Variants in FGD5 observed in about 807,000 individuals in gnomAD.
FGD5 encodes FYVE, RhoGEF and PH domain containing 5.
A neutral mutation model predicts 133.4 loss-of-function variants in FGD5; 28 were observed. That is an observed-to-expected ratio of 0.21 (90% CI 0.16 to 0.29). The LOEUF (loss-of-function observed/expected upper bound fraction) is 0.29. Ranked by LOEUF, FGD5 falls within the 10% of genes least tolerant of loss-of-function variation. FGD5 has a pLI of 1.00. For missense variants in FGD5, 1,858 were observed against 1,895.2 expected, an observed-to-expected ratio of 0.98 and a Z score of 0.36; for synonymous variants, 810 against 776.5, an observed-to-expected ratio of 1.04 and a Z score of -0.72.
intron 11 of FGD5, among the ~76,000 whole-genome samples, chr3:14,911,724 G>A (rs2038452782): frequency 6.7e-6 from 1 of 149,846 alleles, no homozygotes; most frequent in African/African-American, 2.5e-5. Flanking sequence ...CCAATGGGAG[G>A]GAGAAGCAAG....
At chr3:14,874,355 C>T (rs1306286792) in intron 2 of FGD5, among the ~76,000 whole-genome samples, 4 of 151,884 alleles carry the variant, frequency 2.6e-5, no homozygotes, top group Admixed American at 6.6e-5. Context: ...CTCGTCTCTA[C>T]AAAAAATAAA....
intron 18 of FGD5, among the ~76,000 whole-genome samples, chr3:14,927,869 TC>T (rs2038835697): frequency 1.3e-5 from 2 of 151,314 alleles, no homozygotes; most frequent in African/African-American, 2.4e-5. Flanking sequence ...ACTCAAGCCA[TC>T]CCCCCCAGCT....
intron 2 of FGD5, among the ~76,000 whole-genome samples, chr3:14,869,576 C>G (rs2037564955): frequency 1.3e-5 from 2 of 152,180 alleles, no homozygotes; most frequent in Non-Finnish European, 2.9e-5. Context: ...AAACTCTGCC[C>G]CCTTTAGACA....
intron 11 of FGD5, among the ~76,000 whole-genome samples, chr3:14,914,040 C>A (rs1381992126): frequency 1.3e-5 from 2 of 152,184 alleles, no homozygotes; most frequent in Non-Finnish European, 2.9e-5. Flanking sequence ...AGGCCATCAG[C>A]CCCACAGTCT....
chr3:14,816,300 C>T (rs1238746564), upstream of FGD5, among the ~76,000 whole-genome samples: 7 of 152,156 alleles, frequency 4.6e-5, no homozygotes, highest in Non-Finnish European at 8.8e-5. Flanking sequence ...AGAATAATTT[C>T]GTGCCAATGC....
At chr3:14,886,562 A>G (rs1179563365) in intron 4 of FGD5, among the ~76,000 whole-genome samples, 1 of 152,216 alleles carries the variant, frequency 6.6e-6, no homozygotes, top group East Asian at 1.9e-4. Context: ...CTCCCCTCCG[A>G]TGAGGCTGTG....
intron 1 of FGD5, among the ~76,000 whole-genome samples, chr3:14,835,179 A>G (rs574136149): frequency 2.6e-5 from 4 of 152,326 alleles, no homozygotes; most frequent in South Asian, 4.1e-4. Context: ...CCAGGTGAGC[A>G]GGGAGGCTGT....
chr3:14,885,990 C>A (rs769732503), intron 4 of FGD5, among the ~76,000 whole-genome samples: 4 of 152,190 alleles, frequency 2.6e-5, no homozygotes, highest in Admixed American at 6.5e-5. Flanking sequence ...CTGCTAGTAA[C>A]AAAAACTCAA....
chr3:14,846,824 G>A (rs1559478424), intron 1 of FGD5, among the ~76,000 whole-genome samples: 1 of 152,338 alleles, frequency 6.6e-6, no homozygotes, highest in East Asian at 1.9e-4. Context: ...ACATGTTTGC[G>A]GGAAGAATGA....
At chr3:14,824,139 C>T (rs933202817) in intron 1 of FGD5, among the ~76,000 whole-genome samples, 2 of 152,220 alleles carry the variant, frequency 1.3e-5, no homozygotes, top group Admixed American at 6.5e-5. Context: ...GAACCACATC[C>T]TCTTGGACAT....
At position 14,820,312 on chromosome 3, in the gene FGD5, T is replaced by C. The variant is rs1419935458; in HGVS notation, c.1241T>C (p.Val414Ala). 6.2e-7 allele frequency: 1 copy of C among 1,607,864 alleles called. No individual in the cohort carries two copies. The highest frequency in any genetic ancestry group is 8.5e-7 in the Non-Finnish European group (1 of 1,176,562). ...GAGGGTCCCGCAGCCCCTGATGTGG[T>C]GGTCGTGCTGGAGGAGGAGGCCTTG... The part of the protein sequence containing the change: ...AAEGPAAPDV[V>A]VVLEEEALDD... Residue 414 changes from valine (V) to alanine (A), a missense_variant, in exon 1 of 20, where the codon GTG (valine) becomes GCG (alanine). Physicochemically the swap from Val to Ala is moderately conservative, Grantham distance 64 (BLOSUM62 0). Around this residue, in one of 3 missense-constraint regions of FGD5, gnomAD observed 1,824 missense variants for 1,848.9 expected, o/e 0.99. Transcript: ENST00000285046.
intron 1 of FGD5, among the ~76,000 whole-genome samples, chr3:14,829,342 G>A (rs895318833): frequency 2.0e-5 from 3 of 152,148 alleles, no homozygotes; most frequent in African/African-American, 7.2e-5. Flanking sequence ...CGTCGTGTGG[G>A]TGGTGCATTG....
Position 14,911,049 on chromosome 3 carries a change from G to A in FGD5, c.3405+120G>A, listed in dbSNP as rs963221116. 86 of 940,448 alleles carry A rather than the reference G, an allele frequency of 9.1e-5. No homozygotes were observed. In the Middle Eastern group the frequency reaches 2.2e-3, roughly 24 times the overall value. The allele number at this position is 940,448 out of a possible 1,614,324, so 58.3% of individuals were successfully genotyped here. A position where few individuals can be genotyped will look rare whatever the true frequency, so the allele number is the denominator to read the frequency against. On this transcript the variant is annotated intron_variant, in intron 11 of 19. Coordinates refer to ENST00000285046, the MANE Select transcript of FGD5 (RefSeq NM_152536.4). ...GGAGAGTAGAACAGAGCAGACATTT[G>A]GGGGTGAGGATCATTCTGGACAGCT...
chr3:14,824,208 G>A (rs567200599), intron 1 of FGD5, among the ~76,000 whole-genome samples: 3 of 152,342 alleles, frequency 2.0e-5, no homozygotes, highest in East Asian at 3.9e-4. Context: ...AAGCAAAGGG[G>A]GAGAAAAATC....
At chr3:14,930,738 A>G (rs986943375) in intron 18 of FGD5, 7 of 152,202 alleles carry the variant, frequency 4.6e-5, no homozygotes, top group African/African-American at 1.7e-4. Context: ...CTTTCAATCC[A>G]TGAACATGGT....
chr3:14,844,964 G>A (rs2037020538), intron 1 of FGD5, among the ~76,000 whole-genome samples: 1 of 152,156 alleles, frequency 6.6e-6, no homozygotes, highest in African/African-American at 2.4e-5. Context: ...AGGTGTGCAA[G>A]GAAGTCCCTA....
intron 11 of FGD5, among the ~76,000 whole-genome samples, chr3:14,915,944 C>T (rs1343580767): frequency 6.6e-6 from 1 of 152,112 alleles, no homozygotes; most frequent in African/African-American, 2.4e-5. Context: ...ATGTTGGCAT[C>T]ATTTGTACAG....
intron 13 of FGD5, chr3:14,921,188 C>T (rs1209986451): frequency 6.5e-6 from 1 of 152,768 alleles, no homozygotes; most frequent in East Asian, 1.9e-4. Flanking sequence ...CCATTCATCA[C>T]ATTTTAGGGA....
At chr3:14,817,886 A>G (rs569951927), upstream of FGD5, among the ~76,000 whole-genome samples, 8 of 152,284 alleles carry the variant, frequency 5.3e-5, no homozygotes, top group South Asian at 1.7e-3. Context: ...CGCAGTATGC[A>G]AGGGAGCTTA....
Sources: gnomAD v4.1 joint callset for allele counts (sites outside exome capture counted in the v4.1 genomes callset) on GRCh38, gnomAD v4.1.1 for gene constraint, gnomAD v4.1.1 regional missense constraint, MANE v1.5 for transcripts, NCBI Gene and HGNC (gene_info 2026-07-23, HGNC 2026-07-21) for gene names.